The following LOXHD1 variants were observed in gnomAD, a reference collection of about 807,000 sequenced individuals.
The protein encoded by LOXHD1 is lipoxygenase homology domain-containing protein 1.
In LOXHD1, 205 loss-of-function variants were observed where a neutral mutation model predicts 248.2. The ratio of observed to expected loss-of-function variants is 0.83; its 90% CI spans 0.74 to 0.93. The LOEUF (loss-of-function observed/expected upper bound fraction) is 0.93, where lower values mean the gene tolerates loss of function less well. Among genes scored for constraint, LOXHD1 ranks in the 40% least tolerant of loss-of-function variants. The pLI is 0.00. For synonymous variants in LOXHD1, 1,113 were observed against 1,162.8 expected, an observed-to-expected ratio of 0.96 and a Z score of 0.87; for missense variants, 2,930 against 2,971.6, an observed-to-expected ratio of 0.99 and a Z score of 0.33.
At chr18:46,494,910 G>A (rs568505516) in intron 37 of LOXHD1, among the ~76,000 whole-genome samples, 89 of 135,906 alleles carry the variant, frequency 6.5e-4, no homozygotes, top group Non-Finnish European at 1.1e-3. Flanking sequence ...CTGGAGTGCA[G>A]TGGCACGATC....
intron 21 of LOXHD1, among the ~76,000 whole-genome samples, chr18:46,548,160 T>A (rs546750361): frequency 6.8e-6 from 1 of 146,450 alleles, no homozygotes; most frequent in East Asian, 1.9e-4. Context: ...TCTGGGAATA[T>A]CCTCTCTGGG....
In LOXHD1 at chr18:46,620,926, A is replaced by C. The variant is rs532159084; in HGVS notation, c.512-2636T>G. ...AACACACAGCATCCATGCTCTGGCA[A>C]AGTCTGGAGAAGCAGACCACGAGCC... On this transcript the variant is annotated intron_variant, in intron 4 of 40. Transcript: ENST00000642948. 1.2e-4 allele frequency among the ~76,000 whole-genome samples: 19 copies of C among 152,256 alleles called. No homozygotes were observed. In the East Asian group the frequency reaches 3.7e-3, roughly 29 times the overall value.
chr18:46,529,458 TC>T, intron 28 of LOXHD1, 127 bp from the exon 29 acceptor site: 1 of 1,072,362 alleles, frequency 9.3e-7, no homozygotes, highest in South Asian at 2.1e-5. Context: ...GTTAATGCCT[TC>T]CTTTTGTTTG....
rs951333133 is a variant in LOXHD1 at position 46,524,919 on chromosome 18, T to A, written c.4531-2A>T. On this transcript the variant is annotated splice_acceptor_variant, in intron 29 of 40. Transcript: ENST00000642948. LOFTEE classifies it high-confidence loss of function. ...GGCCTCGATGATGAAGGTGTCAGCC[T>A]GGGGAGCCCAGATGTGGGGACTCAT... 9.0e-6 allele frequency: 14 copies of A among 1,551,626 alleles called. No individual in the cohort carries two copies. Among genetic ancestry groups the A allele is most frequent in the Non-Finnish European group, 1.2e-5 (14 of 1,146,988 alleles).
intron 37 of LOXHD1, among the ~76,000 whole-genome samples, chr18:46,492,409 T>C (rs548663299): frequency 3.9e-5 from 6 of 152,332 alleles, no homozygotes; most frequent in Non-Finnish European, 8.8e-5. Flanking sequence ...AAGGCAACTC[T>C]TCACAAGGTG....
chr18:46,477,160 C>T, downstream of LOXHD1: 1 of 719,010 alleles, frequency 1.4e-6, no homozygotes, highest in Non-Finnish European at 2.6e-6. Context: ...CCACTTCTAT[C>T]CCCTGGGTGA....
intron 18 of LOXHD1, 109 bp from the exon 19 acceptor site, chr18:46,560,654 A>T: frequency 9.8e-7 from 1 of 1,021,516 alleles, no homozygotes; most frequent in East Asian, 2.6e-5. Flanking sequence ...GCTAAGCTGC[A>T]GGATGGAGAG....
At chr18:46,497,386 G>T (rs1461327284) in intron 37 of LOXHD1, among the ~76,000 whole-genome samples, 1 of 152,182 alleles carries the variant, frequency 6.6e-6, no homozygotes, top group Non-Finnish European at 1.5e-5. Context: ...GAAGGAATTG[G>T]CTGATTGGAG....
rs1423237122 is a variant in LOXHD1, at chr18:46,592,035, A to G, written c.1552T>C (p.Tyr518His). 1 of 1,552,252 alleles carries G rather than the reference A, an allele frequency of 6.4e-7. No individual in the cohort carries two copies. The part of the protein sequence containing the change: ...TLMNTLNKDK[Y>H]NFNCNRWLDA... ...AGCCAGCGGTTGCAATTGAAGTTGT[A>G]CTTGTCTTTGTTCAGAGTGTTCATC... The change falls in exon 12 of 41, where the codon TAC (tyrosine) becomes CAC (histidine). Residue 518 changes from tyrosine (Y) to histidine (H), a missense_variant. Transcript: ENST00000642948.
At chr18:46,544,590 C>G (rs960287400) in intron 23 of LOXHD1, among the ~76,000 whole-genome samples, 1 of 152,100 alleles carries the variant, frequency 6.6e-6, no homozygotes, top group East Asian at 1.9e-4. Context: ...TTCATTAGAC[C>G]TACAACTCTA....
chr18:46,637,781 G>A (rs1261506514), intron 4 of LOXHD1, among the ~76,000 whole-genome samples: 1 of 152,086 alleles, frequency 6.6e-6, no homozygotes, highest in African/African-American at 2.4e-5. Flanking sequence ...TGAGGGACAT[G>A]GGCACCCTTA....
intron 4 of LOXHD1, among the ~76,000 whole-genome samples, chr18:46,628,820 C>T (rs151120417): frequency 6.9e-4 from 105 of 152,306 alleles, no homozygotes; most frequent in African/African-American, 2.3e-3. Context: ...CCCAGCTAAT[C>T]TTATCAGGTA....
At chr18:46,494,853 T>C (rs1238662431) in intron 37 of LOXHD1, among the ~76,000 whole-genome samples, 34 of 74,512 alleles carry the variant, frequency 4.6e-4, no homozygotes, top group African/African-American at 9.0e-4. Flanking sequence ...CTCTCTCTTT[T>C]TTTTTTTTTT....
At chr18:46,551,535 G>A (rs978747620) in intron 21 of LOXHD1, among the ~76,000 whole-genome samples, 9 of 152,048 alleles carry the variant, frequency 5.9e-5, no homozygotes, top group African/African-American at 1.9e-4. Flanking sequence ...AGGAGGGAAG[G>A]AAAAACTAGC....
Position 46,560,069 on chromosome 18 carries a change from C to CCCCCCCCCAA in LOXHD1, c.3061+13_3061+14insTTGGGGGGGG. On this transcript the variant is annotated intron_variant, in intron 19 of 40. Transcript: ENST00000642948. ...CCACTCCCTCCCCACCCCCACCCCCCACGACCCACTTACGCTCAGGACCCG... is the reference window on the plus strand; with the variant it reads ...CCACTCCCTCCCCACCCCCACCCCCCCCCCCCCCAAACGACCCACTTACGCTCAGGACCCG... 5 of 1,514,250 alleles carry CCCCCCCCCAA rather than the reference C, an allele frequency of 3.3e-6. No individual in the cohort carries two copies. The highest frequency in any genetic ancestry group is 3.6e-6 in the Non-Finnish European group (4 of 1,119,004). The allele number at this position is 1,514,250 out of a possible 1,614,324, so 93.8% of individuals were successfully genotyped here.
intron 34 of LOXHD1, among the ~76,000 whole-genome samples, chr18:46,510,733 C>T (rs925289749): frequency 1.3e-5 from 2 of 152,212 alleles, no homozygotes; most frequent in African/African-American, 2.4e-5. Flanking sequence ...GAACTAACTA[C>T]TGCTAGTCTT....
intron 26 of LOXHD1, among the ~76,000 whole-genome samples, chr18:46,536,531 A>T (rs2036317802): frequency 2.0e-5 from 3 of 152,218 alleles, no homozygotes; most frequent in Admixed American, 2.0e-4. Flanking sequence ...CAACAAAATT[A>T]CTGGCAAATT....
At chr18:46,494,768 G>C (rs2033719516) in intron 37 of LOXHD1, among the ~76,000 whole-genome samples, 1 of 151,080 alleles carries the variant, frequency 6.6e-6, no homozygotes, top group Non-Finnish European at 1.5e-5. Flanking sequence ...AGTCACTGTG[G>C]TTTTGGCAAA....
intron 10 of LOXHD1, among the ~76,000 whole-genome samples, chr18:46,592,829 A>G (rs2038196397): frequency 6.6e-6 from 1 of 152,228 alleles, no homozygotes; most frequent in African/African-American, 2.4e-5. Flanking sequence ...CTGAACAAAA[A>G]TAACGGCCCC....
Sources: gnomAD v4.1 joint callset for allele counts (sites outside exome capture counted in the v4.1 genomes callset) on GRCh38, gnomAD v4.1.1 for gene constraint, MANE v1.5 for transcripts, NCBI Gene and HGNC (gene_info 2026-07-23, HGNC 2026-07-21) for gene names.